Variants in ZNF423 observed in about 807,000 individuals in gnomAD.
ZNF423 encodes zinc finger protein 423, also known as Ebf-associated zinc finger protein.
A neutral mutation model predicts 95.8 loss-of-function variants in ZNF423; 12 were observed. That is an observed-to-expected ratio of 0.13 (90% CI 0.08 to 0.20). The LOEUF (loss-of-function observed/expected upper bound fraction) is 0.20, where lower values mean the gene tolerates loss of function less well. Among genes scored for constraint, ZNF423 ranks in the 10% least tolerant of loss-of-function variants. The pLI, the probability that ZNF423 is intolerant of heterozygous loss-of-function variation, is 1.00. For synonymous variants in ZNF423, 749 were observed against 711.9 expected, an observed-to-expected ratio of 1.05 and a Z score of -0.83; for missense variants, 1,316 against 1,737.1, an observed-to-expected ratio of 0.76 and a Z score of 4.31.
chr16:49,664,060 C>T, intron 3 of ZNF423: 1 of 985,684 alleles, frequency 1.0e-6, no homozygotes, highest in Non-Finnish European at 1.2e-6. Context: ...ACCCAGCCAC[C>T]CCCTCATCAC....
intron 5 of ZNF423, among the ~76,000 whole-genome samples, chr16:49,539,522 C>T (rs1969175938): frequency 6.6e-6 from 1 of 152,218 alleles, no homozygotes; most frequent in African/African-American, 2.4e-5. Context: ...ACCCCACCTC[C>T]CCGGGCCAAT....
At chr16:49,736,478 C>T (rs905885245) in intron 2 of ZNF423, among the ~76,000 whole-genome samples, 6 of 152,276 alleles carry the variant, frequency 3.9e-5, no homozygotes, top group Non-Finnish European at 8.8e-5. Flanking sequence ...ATAACAAAAC[C>T]TTTCACCTCA....
chr16:49,788,365 C>T (rs752470680), intron 2 of ZNF423, among the ~76,000 whole-genome samples: 2 of 152,222 alleles, frequency 1.3e-5, no homozygotes, highest in Non-Finnish European at 2.9e-5. Flanking sequence ...GCTGAGTCTC[C>T]GTATTCTGTA....
Position 49,491,048 on chromosome 16 carries a change from CACTAGCTGT to C in ZNF423, c.*218_*226del. ...GTCTGCGGCGGAAAGTCTAAAAGCA[CACTAGCTGT>C]AGCAGGACAATAAAAAATACTGAGC... On this transcript the variant is annotated 3_prime_UTR_variant, in exon 8 of 8. Coordinates refer to ENST00000563137, the MANE Select transcript of ZNF423 (RefSeq NM_001379286.1). 1.8e-6 allele frequency: 1 copy of C among 567,012 alleles called. No individual in the cohort carries two copies. The highest frequency in any genetic ancestry group is 3.1e-6 in the Non-Finnish European group (1 of 317,646). 35.1% of individuals were successfully genotyped at this position (567,012 alleles called of 1,614,324 possible). A position where few individuals can be genotyped will look rare whatever the true frequency, so the allele number is the denominator to read the frequency against.
intron 5 of ZNF423, among the ~76,000 whole-genome samples, chr16:49,541,677 C>G (rs1969252468): frequency 6.6e-6 from 1 of 152,168 alleles, no homozygotes; most frequent in Non-Finnish European, 1.5e-5. Flanking sequence ...TAACACCCAC[C>G]TGTCAAGGGC....
chr16:49,710,527 C>T (rs955266112), intron 3 of ZNF423, among the ~76,000 whole-genome samples: 3 of 152,210 alleles, frequency 2.0e-5, no homozygotes, highest in African/African-American at 4.8e-5. Flanking sequence ...TCAAAAGTCA[C>T]CAGGCGGCAG....
At chr16:49,837,340 GCAAATGAAGAGGGA>G in intron 1 of ZNF423, among the ~76,000 whole-genome samples, 1 of 152,208 alleles carries the variant, frequency 6.6e-6, no homozygotes, top group Middle Eastern at 3.4e-3. Context: ...TCCTCAACTG[GCAAATGAAGAGGGA>G]CAACCCCTCC....
upstream of ZNF423, among the ~76,000 whole-genome samples, chr16:49,856,782 T>G (rs2035375848): frequency 6.8e-6 from 1 of 147,758 alleles, no homozygotes. Context: ...GCCCTCGGGC[T>G]GCGGTGCTCA....
intron 7 of ZNF423, among the ~76,000 whole-genome samples, chr16:49,494,576 G>A (rs1376341706): frequency 1.3e-5 from 2 of 152,196 alleles, no homozygotes; most frequent in Non-Finnish European, 2.9e-5. Flanking sequence ...GCTCAGCTAG[G>A]GAAACTGGTC....
chr16:49,552,229 C>T (rs1304533609), intron 5 of ZNF423, among the ~76,000 whole-genome samples: 1 of 152,202 alleles, frequency 6.6e-6, no homozygotes, highest in Non-Finnish European at 1.5e-5. Context: ...AACTAGGAGA[C>T]CAGGGTACCA....
chr16:49,778,774 CA>C (rs1360526646), intron 2 of ZNF423, among the ~76,000 whole-genome samples: 1 of 152,198 alleles, frequency 6.6e-6, no homozygotes. Context: ...GTCACCCATA[CA>C]GACGCAAAGC....
intron 3 of ZNF423, chr16:49,711,303 C>T (rs1286409912): frequency 6.6e-6 from 1 of 152,100 alleles, no homozygotes; most frequent in Non-Finnish European, 1.5e-5. Context: ...CCCTAAATAC[C>T]CCCCACCAGG....
chr16:49,846,063 A>G (rs1345761914), intron 1 of ZNF423, among the ~76,000 whole-genome samples: 1 of 152,132 alleles, frequency 6.6e-6, no homozygotes, highest in Non-Finnish European at 1.5e-5. Flanking sequence ...GCCACGGATG[A>G]GGCCGAGGCA....
chr16:49,586,687 G>T (rs1970851155), intron 5 of ZNF423, among the ~76,000 whole-genome samples: 1 of 151,664 alleles, frequency 6.6e-6, no homozygotes, highest in African/African-American at 2.4e-5. Context: ...TCTCTTAGGA[G>T]GTCTGCTCTA....
intron 1 of ZNF423, chr16:49,854,003 G>A: frequency 2.0e-6 from 2 of 985,392 alleles, no homozygotes; most frequent in Non-Finnish European, 2.4e-6. Context: ...GAAGGAGTGA[G>A]CAGTGAGCCA....
At chr16:49,612,371 T>C (rs1192780026) in intron 5 of ZNF423, among the ~76,000 whole-genome samples, 1 of 141,798 alleles carries the variant, frequency 7.1e-6, no homozygotes, top group Non-Finnish European at 1.5e-5. Flanking sequence ...CATATTAACA[T>C]ACTTAAGAAA....
At chr16:49,581,656 C>T (rs1233508367) in intron 5 of ZNF423, among the ~76,000 whole-genome samples, 2 of 152,114 alleles carry the variant, frequency 1.3e-5, no homozygotes, top group Non-Finnish European at 2.9e-5. Context: ...AGTGCTTTTC[C>T]TCATCTAACT....
rs539756464 is a variant in ZNF423 at position 49,487,983 on chromosome 16, C to T, written c.*3292G>A. The T allele has an allele frequency of 1.2e-4, 19 of 152,364 alleles. No individual in the cohort carries two copies. The highest frequency in any genetic ancestry group is 4.3e-4 in the African/African-American group (18 of 41,580). 9.4% of individuals were successfully genotyped at this position (152,364 alleles called of 1,614,324 possible). A position where few individuals can be genotyped will look rare whatever the true frequency, so the allele number is the denominator to read the frequency against. On this transcript the variant is annotated 3_prime_UTR_variant, in exon 8 of 8. Coordinates refer to ENST00000563137, the MANE Select transcript of ZNF423 (RefSeq NM_001379286.1). ...GCTATGCATTTACTGGCATGCTTGCCTGTGCCACTGTGGCCTCCATGAGGC... is the reference window on the plus strand; with the variant it reads ...GCTATGCATTTACTGGCATGCTTGCTTGTGCCACTGTGGCCTCCATGAGGC...
intron 3 of ZNF423, among the ~76,000 whole-genome samples, chr16:49,691,227 A>C (rs1226290753): frequency 6.6e-6 from 1 of 152,228 alleles, no homozygotes. Context: ...TAGCTAGAAA[A>C]GTGGCCACCT....
Sources: gnomAD v4.1 joint callset for allele counts (sites outside exome capture counted in the v4.1 genomes callset) on GRCh38, gnomAD v4.1.1 for gene constraint, MANE v1.5 for transcripts, NCBI Gene and HGNC (gene_info 2026-07-23, HGNC 2026-07-21) for gene names.